Variants in LRRC7 observed in about 807,000 individuals in gnomAD.
The protein encoded by LRRC7 is leucine-rich repeat-containing protein 7.
In LRRC7, 23 loss-of-function variants were observed where a neutral mutation model predicts 175.7. The ratio of observed to expected loss-of-function variants is 0.13; its 90% confidence interval spans 0.09 to 0.19. LRRC7 has a LOEUF of 0.19. Ranked by LOEUF, LRRC7 falls within the 10% of genes least tolerant of loss-of-function variation. The probability of loss-of-function intolerance (pLI) is 1.00; values close to 1 mark genes in which losing one functional copy is unlikely to be tolerated. For missense variants in LRRC7, 1,354 were observed against 1,904.7 expected (o/e 0.71, Z 5.38); for synonymous variants, 685 against 680.9 (o/e 1.01, Z -0.09).
intron 2 of LRRC7, among the ~76,000 whole-genome samples, chr1:69,692,516 C>A (rs1317966618): frequency 2.6e-5 from 4 of 152,094 alleles, no homozygotes; most frequent in African/African-American, 9.7e-5. Flanking sequence ...TTCGTGGGTC[C>A]TTCTGAGATT....
chr1:70,002,576 C>A (rs1655634763), intron 11 of LRRC7, among the ~76,000 whole-genome samples: 1 of 152,124 alleles, frequency 6.6e-6, no homozygotes, highest in Non-Finnish European at 1.5e-5. Context: ...GAACATTTCT[C>A]ATTTCCTTCA....
At chr1:70,078,808 G>A (rs1047706939) in intron 24 of LRRC7, among the ~76,000 whole-genome samples, 3,413 of 90,800 alleles carry the variant, frequency 0.038, 122 homozygotes, top group African/African-American at 0.17. Flanking sequence ...GCGCGCGCGC[G>A]CGCACACACA....
chr1:69,658,573 G>A (rs891683024), intron 1 of LRRC7, among the ~76,000 whole-genome samples: 17 of 151,762 alleles, frequency 1.1e-4, no homozygotes. Context: ...TCTTGGAGTC[G>A]GGAAATAAAG....
chr1:69,845,881 C>G (rs140599065), intron 7 of LRRC7, among the ~76,000 whole-genome samples: 1 of 152,010 alleles, frequency 6.6e-6, no homozygotes, highest in Non-Finnish European at 1.5e-5. Context: ...TATTACCTTA[C>G]GCTTTTACCA....
At position 69,767,893 on chromosome 1, in the gene LRRC7, G is replaced by GA. The variant is rs199927695; in HGVS notation, c.303+7507dup. ...ATTGTCAGTAAGCTGAGAGGTGCCAGAAAAAAACAGCCTCCATATATCTAC... is the reference window on the plus strand; with the variant it reads ...ATTGTCAGTAAGCTGAGAGGTGCCAGAAAAAAAACAGCCTCCATATATCTAC... On this transcript the variant is annotated intron_variant, in intron 3 of 26. Transcript: ENST00000651989. Among the ~76,000 whole-genome samples the GA allele has an allele frequency of 7.2e-3, 1,099 of 151,912 alleles. 12 individuals are homozygous for GA. The highest frequency in any genetic ancestry group is 0.025 in the African/African-American group (1,053 of 41,468).
At chr1:69,624,813 C>T (rs1773345) in intron 1 of LRRC7, among the ~76,000 whole-genome samples, 19,507 of 152,138 alleles carry the variant, frequency 0.13, 1,599 homozygotes, top group South Asian at 0.19. Flanking sequence ...TCAAAGTCCA[C>T]ATATGCCTAA....
intron 1 of LRRC7, among the ~76,000 whole-genome samples, chr1:69,634,310 G>A (rs1025131636): frequency 6.6e-6 from 1 of 152,076 alleles, no homozygotes; most frequent in African/African-American, 2.4e-5. Flanking sequence ...GCTTGCTATA[G>A]CTACAAGCTA....
chr1:69,964,594 T>C (rs1270969390), intron 8 of LRRC7, among the ~76,000 whole-genome samples: 4 of 152,240 alleles, frequency 2.6e-5, no homozygotes, highest in African/African-American at 9.6e-5. Flanking sequence ...TTCTAGGATC[T>C]TATATGTTCA....
chr1:69,961,628 A>C (rs1318734886), intron 8 of LRRC7, among the ~76,000 whole-genome samples: 1 of 152,200 alleles, frequency 6.6e-6, no homozygotes, highest in Non-Finnish European at 1.5e-5. Flanking sequence ...TACTAGTACA[A>C]GAGCAGAAAC....
intron 7 of LRRC7, among the ~76,000 whole-genome samples, chr1:69,862,703 T>G (rs1438723746): frequency 6.6e-6 from 1 of 152,144 alleles, no homozygotes; most frequent in Non-Finnish European, 1.5e-5. Flanking sequence ...TGTTCATATC[T>G]TTTTTTATTA....
chr1:70,112,970 T>C (rs939336207), intron 26 of LRRC7, among the ~76,000 whole-genome samples: 1 of 152,020 alleles, frequency 6.6e-6, no homozygotes, highest in African/African-American at 2.4e-5. Context: ...AACCCTGGGA[T>C]TTTAATAAGT....
intron 7 of LRRC7, among the ~76,000 whole-genome samples, chr1:69,917,631 A>G (rs983660495): frequency 1.3e-5 from 2 of 152,134 alleles, no homozygotes; most frequent in African/African-American, 4.8e-5. Flanking sequence ...TAAACATCTT[A>G]GAGTGCACAA....
At chr1:69,884,677 C>A (rs1223346486) in intron 7 of LRRC7, among the ~76,000 whole-genome samples, 1 of 141,814 alleles carries the variant, frequency 7.1e-6, no homozygotes, top group African/African-American at 2.8e-5. Context: ...TGAGAGAGGG[C>A]ATCCCTGTCT....
At chr1:69,813,623 A>G (rs1176207235) in intron 4 of LRRC7, among the ~76,000 whole-genome samples, 1 of 152,186 alleles carries the variant, frequency 6.6e-6, no homozygotes, top group Non-Finnish European at 1.5e-5. Flanking sequence ...CATTTTGCCT[A>G]TAAAACATAA....
At chr1:69,898,740 T>C (rs1187911024) in intron 7 of LRRC7, among the ~76,000 whole-genome samples, 1 of 151,714 alleles carries the variant, frequency 6.6e-6, no homozygotes, top group African/African-American at 2.4e-5. Flanking sequence ...AGATAGTATC[T>C]GTGGAGGATA....
intron 2 of LRRC7, among the ~76,000 whole-genome samples, chr1:69,694,860 T>G (rs1392203505): frequency 1.3e-5 from 2 of 152,148 alleles, no homozygotes; most frequent in East Asian, 3.9e-4. Flanking sequence ...ACCATGCTTC[T>G]TGTACAGCCT....
At chr1:69,904,988 T>G in intron 7 of LRRC7, among the ~76,000 whole-genome samples, 1 of 152,204 alleles carries the variant, frequency 6.6e-6, no homozygotes, top group East Asian at 1.9e-4. Context: ...ATTACATATG[T>G]AACATTCTAC....
chr1:70,043,693 T>C (rs1660103142), intron 21 of LRRC7, among the ~76,000 whole-genome samples: 1 of 152,220 alleles, frequency 6.6e-6, no homozygotes, highest in African/African-American at 2.4e-5. Flanking sequence ...ACAGAATTTA[T>C]GACGTTGAGT....
At chr1:69,931,053 G>T (rs1322812464) in intron 7 of LRRC7, among the ~76,000 whole-genome samples, 1 of 152,180 alleles carries the variant, frequency 6.6e-6, no homozygotes, top group Admixed American at 6.5e-5. Context: ...GGGAGACAAT[G>T]ACTACAATTT....
Sources: allele counts gnomAD v4.1 joint callset (sites outside exome capture counted in the v4.1 genomes callset), GRCh38; gene constraint gnomAD v4.1.1; transcripts MANE v1.5; gene names NCBI Gene and HGNC (gene_info 2026-07-23, HGNC 2026-07-21).